TMEM132D: variants seen among roughly 807,000 people sequenced by gnomAD.
TMEM132D encodes mature OL transmembrane protein.
In TMEM132D, 21 loss-of-function variants were observed where a neutral mutation model predicts 62.3. The ratio of observed to expected loss-of-function variants is 0.34; its 90% CI spans 0.24 to 0.49. The LOEUF (loss-of-function observed/expected upper bound fraction) is 0.49. Ranked by LOEUF, TMEM132D falls within the 20% of genes least tolerant of loss-of-function variation. The probability of loss-of-function intolerance (pLI) is 0.99; values close to 1 mark genes in which losing one functional copy is unlikely to be tolerated. For missense variants in TMEM132D, 1,346 were observed against 1,402.8 expected (o/e 0.96, Z 0.65); for synonymous variants, 621 against 575.6 (o/e 1.08, Z -1.13).
intron 1 of TMEM132D, among the ~76,000 whole-genome samples, chr12:129,872,993 G>A (rs143097513): frequency 1.3e-5 from 2 of 152,274 alleles, no homozygotes; most frequent in East Asian, 1.9e-4. Context: ...TTCATTCAGC[G>A]TGAAGAAGGC....
At chr12:129,314,858 A>AAGTTATTT (rs1322296823) in intron 4 of TMEM132D, among the ~76,000 whole-genome samples, 1 of 151,192 alleles carries the variant, frequency 6.6e-6, no homozygotes, top group African/African-American at 2.5e-5. Context: ...GTATATTCCT[A>AAGTTATTT]AGTTATTTAT....
intron 2 of TMEM132D, among the ~76,000 whole-genome samples, chr12:129,534,078 C>A (rs1170273595): frequency 1.3e-5 from 2 of 152,192 alleles, no homozygotes; most frequent in African/African-American, 4.8e-5. Context: ...TGCCCCTGGG[C>A]TCCACTGGGT....
chr12:129,663,288 G>A (rs543125303), intron 2 of TMEM132D, among the ~76,000 whole-genome samples: 74 of 152,298 alleles, frequency 4.9e-4, no homozygotes, highest in African/African-American at 1.7e-3. Context: ...ACAGGCATGT[G>A]CCACCACGTC....
intron 6 of TMEM132D, 123 bp downstream of exon 6, chr12:129,084,374 G>A: frequency 1.0e-6 from 1 of 957,724 alleles, no homozygotes; most frequent in East Asian, 2.9e-5. Flanking sequence ...AATCCAAGCT[G>A]AGCGGTGGAG....
intron 4 of TMEM132D, among the ~76,000 whole-genome samples, chr12:129,336,590 A>G (rs1210658408): frequency 6.6e-6 from 1 of 152,098 alleles, no homozygotes; most frequent in Admixed American, 6.5e-5. Flanking sequence ...AAAAAAGAAC[A>G]TTACATGTAG....
intron 1 of TMEM132D, among the ~76,000 whole-genome samples, chr12:129,701,501 G>A (rs927907240): frequency 1.3e-5 from 2 of 152,170 alleles, no homozygotes; most frequent in Admixed American, 1.3e-4. Context: ...CACGGGAAGG[G>A]CAGCACCTCG....
intron 4 of TMEM132D, among the ~76,000 whole-genome samples, chr12:129,266,984 A>T (rs1880714803): frequency 6.6e-6 from 1 of 152,102 alleles, no homozygotes; most frequent in African/African-American, 2.4e-5. Context: ...ACTCCCTGGC[A>T]AAAAGTCCTC....
chr12:129,073,488 G>A lies in TMEM132D; in HGVS notation c.*387C>T, dbSNP rs916059345. On this transcript the variant is annotated 3_prime_UTR_variant, in exon 9 of 9. Coordinates refer to ENST00000422113, the MANE Select transcript of TMEM132D (RefSeq NM_133448.3). ...GATCCATGGATGCTCCACCTGAGTT[G>A]TACTTTTCTTCCATAGTCTGCAATA... is the stretch of plus-strand genomic sequence containing the variant. 6.5e-6 allele frequency: 1 copy of A among 154,006 alleles called. No homozygotes were observed. Among genetic ancestry groups the A allele is most frequent in the African/African-American group, 2.5e-5 (1 of 40,072 alleles). 9.5% of individuals were successfully genotyped at this position (154,006 alleles called of 1,614,324 possible).
intron 2 of TMEM132D, among the ~76,000 whole-genome samples, chr12:129,632,818 A>G (rs903765048): frequency 6.6e-6 from 1 of 152,218 alleles, no homozygotes; most frequent in African/African-American, 2.4e-5. Context: ...TAATACCTGA[A>G]GTCACTAACT....
chr12:129,584,934 T>C (rs779420875), intron 2 of TMEM132D, among the ~76,000 whole-genome samples: 2 of 152,178 alleles, frequency 1.3e-5, no homozygotes, highest in Non-Finnish European at 2.9e-5. Flanking sequence ...GGGTGTTGCA[T>C]GTGGAGTCTG....
intron 3 of TMEM132D, among the ~76,000 whole-genome samples, chr12:129,398,193 C>A (rs867051643): frequency 2.6e-5 from 4 of 152,154 alleles, no homozygotes; most frequent in Non-Finnish European, 5.9e-5. Context: ...TGGCTTAAAT[C>A]ATAGAGAAAT....
At chr12:129,670,281 C>T (rs1214041679) in intron 2 of TMEM132D, among the ~76,000 whole-genome samples, 1 of 152,152 alleles carries the variant, frequency 6.6e-6, no homozygotes, top group Non-Finnish European at 1.5e-5. Context: ...CTCCTTCTTG[C>T]CTGAGGACTC....
At chr12:129,713,815 A>T (rs1868467153) in intron 1 of TMEM132D, among the ~76,000 whole-genome samples, 1 of 152,154 alleles carries the variant, frequency 6.6e-6, no homozygotes, top group East Asian at 1.9e-4. Flanking sequence ...CCACCCCCAG[A>T]GCTTCTGTTC....
intron 1 of TMEM132D, among the ~76,000 whole-genome samples, chr12:129,817,696 T>G (rs918590195): frequency 8.2e-5 from 12 of 146,784 alleles, no homozygotes; most frequent in South Asian, 6.7e-4. Context: ...TGTATGTGTG[T>G]GTATCTGTGT....
At chr12:129,438,368 C>A (rs1872845492) in intron 3 of TMEM132D, among the ~76,000 whole-genome samples, 2 of 152,068 alleles carry the variant, frequency 1.3e-5, no homozygotes, top group South Asian at 4.2e-4. Flanking sequence ...GGAAGCAACT[C>A]AAATATCCAC....
At chr12:129,777,124 T>C (rs79908384) in intron 1 of TMEM132D, among the ~76,000 whole-genome samples, 2 of 152,320 alleles carry the variant, frequency 1.3e-5, no homozygotes, top group Middle Eastern at 6.8e-3. Flanking sequence ...GTGCCACTTG[T>C]GATGTTTGTT....
intron 5 of TMEM132D, among the ~76,000 whole-genome samples, chr12:129,206,907 T>C (rs1455757800): frequency 6.6e-6 from 1 of 151,972 alleles, no homozygotes; most frequent in Non-Finnish European, 1.5e-5. Context: ...GGAGAACACA[T>C]GGATACTAGG....
chr12:129,430,293 C>A (rs903234266), intron 3 of TMEM132D, among the ~76,000 whole-genome samples: 1 of 152,076 alleles, frequency 6.6e-6, no homozygotes, highest in African/African-American at 2.4e-5. Context: ...TGTGAGATGG[C>A]ATCTCGTTGT....
At chr12:129,486,096 C>T (rs376313979) in intron 3 of TMEM132D, among the ~76,000 whole-genome samples, 12 of 152,172 alleles carry the variant, frequency 7.9e-5, no homozygotes, top group South Asian at 2.1e-4. Flanking sequence ...GAACCAAGCT[C>T]GTGGGAGCCA....
Sources: allele counts gnomAD v4.1 joint callset (sites outside exome capture counted in the v4.1 genomes callset), GRCh38; gene constraint gnomAD v4.1.1; transcripts MANE v1.5; gene names NCBI Gene and HGNC (gene_info 2026-07-23, HGNC 2026-07-21).